NFKB1: variants seen among roughly 807,000 people sequenced by gnomAD.
The protein encoded by NFKB1 is nuclear factor NF-kappa-B p105 subunit.
In NFKB1, 9 loss-of-function variants were observed where a neutral mutation model predicts 105.1. The ratio of observed to expected loss-of-function variants is 0.09; its 90% CI spans 0.05 to 0.15. NFKB1 has a LOEUF of 0.15. Ranked by LOEUF, NFKB1 falls within the 10% of genes least tolerant of loss-of-function variation. The pLI, the probability that NFKB1 is intolerant of heterozygous loss-of-function variation, is 1.00. For missense variants in NFKB1, 830 were observed against 1,203.7 expected, an observed-to-expected ratio of 0.69 and a Z score of 4.59; for synonymous variants, 440 against 442.2, an observed-to-expected ratio of 1.00 and a Z score of 0.06.
chr4:102,603,782 T>C (rs1295357802), intron 16 of NFKB1, among the ~76,000 whole-genome samples: 1 of 152,226 alleles, frequency 6.6e-6, no homozygotes, highest in African/African-American at 2.4e-5. Context: ...TTCACTAATC[T>C]AAGTACATTT....
intron 15 of NFKB1, among the ~76,000 whole-genome samples, chr4:102,599,949 C>T (rs1373582079): frequency 1.3e-5 from 2 of 152,288 alleles, no homozygotes; most frequent in East Asian, 3.9e-4. Context: ...TTTGACACCA[C>T]CAGTATGTTC....
chr4:102,593,669 A>T (rs1726365733), intron 12 of NFKB1, 101 bp downstream of exon 12: 5 of 1,116,552 alleles, frequency 4.5e-6, no homozygotes, highest in Non-Finnish European at 6.1e-6. Flanking sequence ...AGTGGCTATG[A>T]TATTATTGAG....
intron 5 of NFKB1, among the ~76,000 whole-genome samples, chr4:102,564,292 T>C (rs1723675958): frequency 1.3e-5 from 2 of 152,242 alleles, no homozygotes; most frequent in South Asian, 4.1e-4. Context: ...AATTTCTGAA[T>C]CGATTGCAAA....
intron 5 of NFKB1, among the ~76,000 whole-genome samples, chr4:102,559,987 A>G (rs1723278700): frequency 6.6e-6 from 1 of 151,722 alleles, no homozygotes; most frequent in African/African-American, 2.4e-5. Context: ...AAGAAATGGC[A>G]CTAGAATATC....
intron 2 of NFKB1, 140 bp from the exon 3 acceptor site, chr4:102,529,696 C>T (rs1033632379): frequency 1.5e-6 from 1 of 651,798 alleles, no homozygotes; most frequent in Admixed American, 2.9e-5. Context: ...CTTTTAAAAC[C>T]CTGATTTAAA....
At position 102,546,102 on chromosome 4, in the gene NFKB1, T is replaced by G. The variant is rs186091405; in HGVS notation, c.258+8146T>G. 3.7e-3 allele frequency among the ~76,000 whole-genome samples: 570 copies of G among 152,178 alleles called. 5 individuals are homozygous for G. The highest frequency in any genetic ancestry group is 0.013 in the African/African-American group (556 of 41,526). ...GACCCTGTCTCTATAAAAAAAATTT[T>G]TTAAAGAAAAAAAACAGGATTTCAA... On this transcript the variant is annotated intron_variant, in intron 5 of 23. Transcript: ENST00000226574.
At chr4:102,545,734 A>G (rs1722085737) in intron 5 of NFKB1, among the ~76,000 whole-genome samples, 1 of 152,168 alleles carries the variant, frequency 6.6e-6, no homozygotes, top group Non-Finnish European at 1.5e-5. Flanking sequence ...GAACCACTGC[A>G]CAATTGCTAA....
intron 1 of NFKB1, among the ~76,000 whole-genome samples, chr4:102,505,500 T>C (rs2149093173): frequency 6.6e-6 from 1 of 152,318 alleles, no homozygotes; most frequent in South Asian, 2.1e-4. Context: ...AATTATCCAT[T>C]ACAAATTGCC....
At chr4:102,529,410 T>G (rs1201798980) in intron 2 of NFKB1, among the ~76,000 whole-genome samples, 1 of 152,198 alleles carries the variant, frequency 6.6e-6, no homozygotes, top group Non-Finnish European at 1.5e-5. Context: ...TTTACCACCA[T>G]AGAGGAAATA....
intron 11 of NFKB1, among the ~76,000 whole-genome samples, chr4:102,585,570 A>T (rs530935867): frequency 1.3e-5 from 2 of 152,342 alleles, no homozygotes; most frequent in East Asian, 3.9e-4. Context: ...AAAATGAGTA[A>T]GGCATCATTC....
chr4:102,537,768 A>G, intron 4 of NFKB1, 90 bp from the exon 5 acceptor site: 2 of 691,002 alleles, frequency 2.9e-6, no homozygotes, highest in Admixed American at 2.4e-5. Flanking sequence ...TTTAGTAGAC[A>G]TAAGATTTAA....
At chr4:102,512,840 G>A (rs1294253675) in intron 1 of NFKB1, among the ~76,000 whole-genome samples, 1 of 152,158 alleles carries the variant, frequency 6.6e-6, no homozygotes, top group Admixed American at 6.5e-5. Flanking sequence ...AACATTGCTG[G>A]TTCACATAAT....
At chr4:102,598,644 A>G (rs973779364) in intron 15 of NFKB1, among the ~76,000 whole-genome samples, 1 of 152,230 alleles carries the variant, frequency 6.6e-6, no homozygotes, top group Admixed American at 6.5e-5. Context: ...GAACAGCAGA[A>G]TTCTTTTTCA....
At chr4:102,558,031 CTT>C (rs575415233) in intron 5 of NFKB1, among the ~76,000 whole-genome samples, 65 of 130,736 alleles carry the variant, frequency 5.0e-4, no homozygotes, top group Non-Finnish European at 5.3e-4. Flanking sequence ...GATATCTAGC[CTT>C]TTTTTTTTTT....
intron 1 of NFKB1, among the ~76,000 whole-genome samples, chr4:102,509,081 T>A (rs1739611845): frequency 6.6e-6 from 1 of 152,152 alleles, no homozygotes; most frequent in East Asian, 1.9e-4. Context: ...AAAAACACTT[T>A]AGAAGTCAGT....
chr4:102,612,342 G>C, intron 21 of NFKB1, 92 bp from the exon 22 acceptor site: 2 of 1,363,492 alleles, frequency 1.5e-6, no homozygotes, highest in Non-Finnish European at 2.0e-6. Context: ...GTTCCACTGG[G>C]AGTTGGACAG....
Position 102,576,976 on chromosome 4 carries a change from C to T in NFKB1, c.508C>T (p.Leu170Phe), listed in dbSNP as rs945312107. Residue 170 changes from leucine (L) to phenylalanine (F), a missense_variant, in exon 7 of 24, where the codon CTC (leucine) becomes TTC (phenylalanine). Physicochemically the swap from Leu to Phe is conservative, Grantham distance 22. This residue lies in a region of NFKB1 where 80 missense variants were observed against 122.6 expected (regional missense o/e 0.65). Transcript: ENST00000226574. ...EACIRGYNPG[L>F]LVHPDLAYLQ... ...GTGTATAAGGGGCTATAATCCTGGA[C>T]TCTTGGTGCACCCTGACCTTGCCTA... is the stretch of plus-strand genomic sequence containing the variant. 1.9e-6 allele frequency: 3 copies of T among 1,613,896 alleles called. No individual in the cohort carries two copies. The highest frequency in any genetic ancestry group is 1.3e-5 in the African/African-American group (1 of 74,966).
At chr4:102,539,379 G>A (rs1741855074) in intron 5 of NFKB1, among the ~76,000 whole-genome samples, 1 of 151,890 alleles carries the variant, frequency 6.6e-6, no homozygotes, top group South Asian at 2.1e-4. Flanking sequence ...AAGACAAAAT[G>A]TTGTGACGTC....
At chr4:102,607,539 G>A (rs1727891902) in intron 18 of NFKB1, 110 bp from the exon 19 acceptor site, 3 of 1,230,514 alleles carry the variant, frequency 2.4e-6, no homozygotes, top group African/African-American at 3.0e-5. Flanking sequence ...CCAGCCCAAA[G>A]TAGCAATTGG....
Sources: allele counts gnomAD v4.1 joint callset (sites outside exome capture counted in the v4.1 genomes callset), GRCh38; gene constraint gnomAD v4.1.1; regional missense constraint gnomAD v4.1.1; transcripts MANE v1.5; gene names NCBI Gene and HGNC (gene_info 2026-07-23, HGNC 2026-07-21).